Variants in SVOP observed in about 807,000 individuals in gnomAD.
SVOP encodes the protein synaptic vesicle 2-related protein.
A neutral mutation model predicts 69.1 loss-of-function variants in SVOP; 17 were observed. That is an observed-to-expected ratio of 0.25 (90% CI 0.17 to 0.37). The LOEUF is 0.37. Ranked by LOEUF, SVOP falls within the 10% of genes least tolerant of loss-of-function variation. The probability of loss-of-function intolerance (pLI) is 1.00; values close to 1 mark genes in which losing one functional copy is unlikely to be tolerated. For synonymous variants in SVOP, 238 were observed against 238.6 expected (o/e 1.00, Z 0.02); for missense variants, 435 against 597.5 (o/e 0.73, Z 2.84).
At chr12:109,008,392 G>A (rs1005462148) in intron 1 of SVOP, among the ~76,000 whole-genome samples, 5 of 152,138 alleles carry the variant, frequency 3.3e-5, no homozygotes, top group Non-Finnish European at 7.3e-5. Context: ...TGGGGTGTGA[G>A]GGGTTGGATG....
intron 14 of SVOP, among the ~76,000 whole-genome samples, chr12:108,917,242 A>G (rs2039719581): frequency 6.6e-6 from 1 of 152,254 alleles, no homozygotes; most frequent in Admixed American, 6.5e-5. Flanking sequence ...TTTTATGTAT[A>G]TTCCTCTAGC....
At chr12:108,976,656 C>A (rs911956159) in intron 4 of SVOP, among the ~76,000 whole-genome samples, 3 of 151,588 alleles carry the variant, frequency 2.0e-5, no homozygotes, top group African/African-American at 7.3e-5. Flanking sequence ...TCCTCTGTCA[C>A]CCAGGCCGGA....
chr12:108,961,101 C>T lies in SVOP; in HGVS notation c.454-54G>A, dbSNP rs569338923. On this transcript the variant is annotated intron_variant, in intron 5 of 15. Transcript: ENST00000610966. ...AGGGCTTTTCAGCACCTCCAGGTAG[C>T]GTTTGCACCTCACTGAGAGCCGCCG... 903 of 1,500,632 alleles carry T rather than the reference C, an allele frequency of 6.0e-4. 1 individual carries two copies. The highest frequency in any genetic ancestry group is 7.8e-4 in the Non-Finnish European group (875 of 1,125,340). 93.0% of individuals were successfully genotyped at this position (1,500,632 alleles called of 1,614,324 possible).
At chr12:108,941,870 G>T (rs2039893070) in intron 7 of SVOP, among the ~76,000 whole-genome samples, 1 of 151,580 alleles carries the variant, frequency 6.6e-6, no homozygotes, top group Admixed American at 6.6e-5. Flanking sequence ...TCACCATGTT[G>T]GCCAGGGTGG....
chr12:108,958,692 G>A (rs2039999474), intron 6 of SVOP, among the ~76,000 whole-genome samples: 1 of 152,162 alleles, frequency 6.6e-6, no homozygotes, highest in South Asian at 2.1e-4. Flanking sequence ...TCCAAAATGA[G>A]CAGGAGCATT....
chr12:109,008,299 C>A (rs1489929322), intron 1 of SVOP, among the ~76,000 whole-genome samples: 2 of 152,118 alleles, frequency 1.3e-5, no homozygotes, highest in Admixed American at 6.6e-5. Context: ...GGCCCAAGAA[C>A]CTGAATTTTA....
At chr12:108,985,656 G>A (rs1188727103) in intron 1 of SVOP, among the ~76,000 whole-genome samples, 2 of 152,258 alleles carry the variant, frequency 1.3e-5, no homozygotes, top group African/African-American at 4.8e-5. Context: ...GGGTGACAGA[G>A]CAAGATCCTA....
intron 10 of SVOP, among the ~76,000 whole-genome samples, chr12:108,934,942 C>A (rs1320290412): frequency 6.6e-6 from 1 of 152,192 alleles, no homozygotes; most frequent in Non-Finnish European, 1.5e-5. Context: ...CCTTTACTTT[C>A]TTAATAAAGT....
intron 3 of SVOP, chr12:108,978,314 G>T: frequency 2.4e-6 from 1 of 425,516 alleles, no homozygotes. Context: ...TCTCATAGTA[G>T]CCCTGAGCCC....
At chr12:108,946,341 C>T (rs2039922828) in intron 6 of SVOP, among the ~76,000 whole-genome samples, 1 of 152,116 alleles carries the variant, frequency 6.6e-6, no homozygotes, top group Non-Finnish European at 1.5e-5. Context: ...CTCAAGCAAT[C>T]CTCCTGCCTT....
In SVOP at chr12:108,915,885, AGCC is replaced by A; in HGVS notation, c.1351-16_1351-14del. 1 of 1,588,076 alleles carries A rather than the reference AGCC, an allele frequency of 6.3e-7. No homozygotes were observed. Among genetic ancestry groups the A allele is most frequent in the South Asian group, 1.2e-5 (1 of 86,730 alleles). ...CCGTGGGGTAGACCTGAAACACAGC[AGCC>A]GGATATAGGCATGGGGACATGCAGG... On this transcript the variant is annotated splice_polypyrimidine_tract_variant and intron_variant, in intron 14 of 15. Transcript: ENST00000610966.
At chr12:108,994,199 T>G (rs2040218987) in intron 1 of SVOP, among the ~76,000 whole-genome samples, 1 of 152,154 alleles carries the variant, frequency 6.6e-6, no homozygotes, top group African/African-American at 2.4e-5. Flanking sequence ...GATACTGATC[T>G]TGGCTGATAC....
chr12:108,922,471 G>T (rs2039755008), intron 12 of SVOP, among the ~76,000 whole-genome samples: 1 of 152,168 alleles, frequency 6.6e-6, no homozygotes, highest in Non-Finnish European at 1.5e-5. Context: ...CTGCCAGCAT[G>T]CATGAAACTG....
chr12:109,003,069 A>G (rs1234663299), intron 1 of SVOP, among the ~76,000 whole-genome samples: 2 of 152,142 alleles, frequency 1.3e-5, no homozygotes, highest in East Asian at 3.9e-4. Context: ...CTGAATCAGC[A>G]TCTGCATTTT....
At chr12:108,947,147 A>G (rs1015960102) in intron 6 of SVOP, among the ~76,000 whole-genome samples, 8 of 152,132 alleles carry the variant, frequency 5.3e-5, no homozygotes, top group Non-Finnish European at 1.2e-4. Flanking sequence ...ATTTTCTAGC[A>G]CAAGATATTC....
intron 1 of SVOP, among the ~76,000 whole-genome samples, chr12:109,015,635 A>T (rs1021119814): frequency 1.5e-5 from 1 of 67,094 alleles, no homozygotes; most frequent in Non-Finnish European, 3.4e-5. Context: ...ACAAAACCCC[A>T]TCTCTATAAA....
intron 15 of SVOP, among the ~76,000 whole-genome samples, chr12:108,913,493 G>T (rs1488615608): frequency 1.3e-5 from 2 of 152,154 alleles, no homozygotes; most frequent in Non-Finnish European, 2.9e-5. Context: ...TCCTACCCAA[G>T]TTCATACAGA....
At chr12:108,991,000 C>T (rs2040197289) in intron 1 of SVOP, among the ~76,000 whole-genome samples, 2 of 152,230 alleles carry the variant, frequency 1.3e-5, no homozygotes, top group African/African-American at 4.8e-5. Flanking sequence ...TGCTGTCCCC[C>T]TGCCCTCAAC....
intron 7 of SVOP, 149 bp downstream of exon 7, chr12:108,944,954 G>A: frequency 3.0e-6 from 2 of 660,744 alleles, no homozygotes; most frequent in South Asian, 4.0e-5. Flanking sequence ...TGTCAGAAAT[G>A]ATGTAACTGA....
Sources: gnomAD v4.1 joint callset for allele counts (sites outside exome capture counted in the v4.1 genomes callset) on GRCh38, gnomAD v4.1.1 for gene constraint, MANE v1.5 for transcripts, NCBI Gene and HGNC (gene_info 2026-07-23, HGNC 2026-07-21) for gene names.